The following INTS6 variants were observed in gnomAD, a reference collection of about 807,000 sequenced individuals.
INTS6 encodes DEAD box protein.
INTS6 carries 16 observed loss-of-function variants against 104.9 expected under a neutral mutation model. The ratio of observed to expected loss-of-function variants is 0.15; its 90% confidence interval spans 0.10 to 0.23. The LOEUF (loss-of-function observed/expected upper bound fraction) is 0.23. Ranked by LOEUF, INTS6 falls within the 10% of genes least tolerant of loss-of-function variation. INTS6 has a pLI of 1.00. For missense variants in INTS6, 584 were observed against 1,062.8 expected (o/e 0.55, Z 6.26); for synonymous variants, 324 against 358.7 (o/e 0.90, Z 1.09).
At chr13:51,374,553 T>G (rs1223374199) in intron 14 of INTS6, 101 bp downstream of exon 14, 1 of 1,519,008 alleles carries the variant, frequency 6.6e-7, no homozygotes. Flanking sequence ...TTAGATACTC[T>G]ACCAGGAAAA....
chr13:51,411,886 A>T (rs1956694126), intron 4 of INTS6, among the ~76,000 whole-genome samples: 1 of 152,256 alleles, frequency 6.6e-6, no homozygotes, highest in African/African-American at 2.4e-5. Flanking sequence ...ACAGTAGCTT[A>T]TTCATAATGG....
downstream of INTS6, among the ~76,000 whole-genome samples, chr13:51,353,221 A>G (rs1566194250): frequency 6.6e-6 from 1 of 152,180 alleles, no homozygotes; most frequent in Non-Finnish European, 1.5e-5. Context: ...ATGAAAAATG[A>G]TATTATCCAG....
intron 3 of INTS6, chr13:51,444,120 C>G (rs961602945): frequency 2.0e-5 from 3 of 152,536 alleles, no homozygotes; most frequent in African/African-American, 7.3e-5. Flanking sequence ...GCCTATTGCC[C>G]AAGTTGGAGT....
In INTS6 at chr13:51,453,027, C is replaced by T. The variant is rs1009754993; in HGVS notation, c.-502G>A. On this transcript the variant is annotated 5_prime_UTR_variant, in exon 1 of 18. Coordinates refer to ENST00000311234, the MANE Select transcript of INTS6 (RefSeq NM_012141.3). Reference sequence around the variant, plus strand: ...GTCACCACTTTCTCAGCCCCTCTCGCTACTGAAGCGCTTTTCTCTCTCACA... The same window carrying T: ...GTCACCACTTTCTCAGCCCCTCTCGTTACTGAAGCGCTTTTCTCTCTCACA... 2 of 1,009,716 alleles carry T rather than the reference C, an allele frequency of 2.0e-6. No homozygotes were observed. Among genetic ancestry groups the T allele is most frequent in the African/African-American group, 1.7e-5 (1 of 57,316 alleles). 62.5% of individuals were successfully genotyped at this position (1,009,716 alleles called of 1,614,324 possible). A position where few individuals can be genotyped will look rare whatever the true frequency, so the allele number is the denominator to read the frequency against.
At chr13:51,414,916 A>G (rs937208397) in intron 4 of INTS6, among the ~76,000 whole-genome samples, 18 of 151,024 alleles carry the variant, frequency 1.2e-4, no homozygotes, top group African/African-American at 4.4e-4. Context: ...TTCTCTCCCT[A>G]TGATTTCACC....
chr13:51,378,087 A>G, intron 12 of INTS6, 152 bp downstream of exon 12: 1 of 615,760 alleles, frequency 1.6e-6, no homozygotes, highest in Non-Finnish European at 2.9e-6. Flanking sequence ...TTTTAATTCT[A>G]GCAGTGACAG....
intron 7 of INTS6, among the ~76,000 whole-genome samples, chr13:51,386,501 A>C (rs1042579777): frequency 6.6e-6 from 1 of 152,180 alleles, no homozygotes; most frequent in African/African-American, 2.4e-5. Context: ...TGAAATTTAG[A>C]AAACCTTAAC....
Position 51,387,497 on chromosome 13 carries a change from C to A in INTS6, c.783G>T (p.Trp261Cys). Residue 261 changes from tryptophan to cysteine, a missense_variant, in exon 7 of 18, where the codon TGG (tryptophan) becomes TGT (cysteine). Around this residue, in one of 5 missense-constraint regions of INTS6, gnomAD observed 144 missense variants for 348.7 expected, o/e 0.41. Transcript: ENST00000311234. ...DISRPFGSQP[W>C]HSCHKLIYVR... is the part of the protein sequence containing the mutation. ...CATATATGAGTTTGTGACAGCTATG[C>A]CAAGGCTGAGATCCAAAAGGCCTTG... is the stretch of plus-strand genomic sequence containing the variant. 6.2e-7 allele frequency: 1 copy of A among 1,613,356 alleles called. No individual in the cohort carries two copies. The highest frequency in any genetic ancestry group is 8.5e-7 in the Non-Finnish European group (1 of 1,179,596).
chr13:51,339,731 G>A, the INTS6 span: 6 of 152,258 alleles, frequency 3.9e-5, no homozygotes, highest in Non-Finnish European at 8.8e-5. Flanking sequence ...GTGCAACAGT[G>A]ATACAAAAGT....
intron 15 of INTS6, among the ~76,000 whole-genome samples, chr13:51,373,173 A>T (rs1593669419): frequency 6.7e-6 from 1 of 149,072 alleles, no homozygotes. Flanking sequence ...AATTGGTTTG[A>T]TTACATTGAT....
intron 4 of INTS6, among the ~76,000 whole-genome samples, chr13:51,428,060 A>C (rs1957015796): frequency 6.6e-6 from 1 of 152,232 alleles, no homozygotes; most frequent in Non-Finnish European, 1.5e-5. Context: ...AGACATATGG[A>C]AACAAAATAC....
At chr13:51,347,302 G>A in the INTS6 span, 1 of 1,362,130 alleles carries the variant, frequency 7.3e-7, no homozygotes. Flanking sequence ...GGAGAGAGGA[G>A]GCCAGGTCCC....
the INTS6 span, among the ~76,000 whole-genome samples, chr13:51,347,957 C>T: frequency 1.3e-5 from 1 of 78,762 alleles, no homozygotes; most frequent in Non-Finnish European, 2.7e-5. Flanking sequence ...GTGCCATCGT[C>T]CCCCCCCCCA....
intron 3 of INTS6, among the ~76,000 whole-genome samples, chr13:51,430,705 A>T (rs1957074980): frequency 6.6e-6 from 1 of 152,172 alleles, no homozygotes; most frequent in African/African-American, 2.4e-5. Flanking sequence ...CTAGTAGTTC[A>T]ATTCTAATAA....
chr13:51,378,220 C>A lies in INTS6; in HGVS notation c.1602+19G>T. The stretch of plus-strand genomic sequence containing the variant: ...ATAACAGAACATAACTAGAGTAGCA[C>A]TAAATTCATGATTATTACCTTATTC... On this transcript the variant is annotated intron_variant, in intron 12 of 17. Transcript: ENST00000311234. 1 of 1,560,110 alleles carries A rather than the reference C, an allele frequency of 6.4e-7. No individual in the cohort carries two copies. The highest frequency in any genetic ancestry group is 8.8e-7 in the Non-Finnish European group (1 of 1,131,626).
At chr13:51,449,395 A>C in intron 3 of INTS6, 1 of 823,084 alleles carries the variant, frequency 1.2e-6, no homozygotes, top group Non-Finnish European at 1.5e-6. Context: ...CTCTGGGGGC[A>C]GATATCAACT....
rs879578417 is a variant in INTS6, at chr13:51,453,001, T to G, written c.-476A>C. The G allele has an allele frequency of 1.2e-4, 122 of 1,007,858 alleles. 1 individual carries two copies. The South Asian group carries it at 1.7e-3, about 14-fold the overall frequency. The allele number at this position is 1,007,858 out of a possible 1,614,324, so 62.4% of individuals were successfully genotyped here. On this transcript the variant is annotated 5_prime_UTR_variant, in exon 1 of 18. Transcript: ENST00000311234. Reference sequence around the variant, plus strand: ...AGGGACTCCCTCCGCACCCCGGCGGTGTCACCACTTTCTCAGCCCCTCTCG... The same window carrying G: ...AGGGACTCCCTCCGCACCCCGGCGGGGTCACCACTTTCTCAGCCCCTCTCG...
intron 4 of INTS6, chr13:51,402,674 T>C (rs1464766413): frequency 3.3e-5 from 5 of 152,226 alleles, no homozygotes; most frequent in Non-Finnish European, 1.5e-5. Flanking sequence ...AAATGCAACT[T>C]CAATTTAAAT....
At chr13:51,388,334 T>C (rs1194217850) in intron 6 of INTS6, among the ~76,000 whole-genome samples, 3 of 152,028 alleles carry the variant, frequency 2.0e-5, no homozygotes, top group African/African-American at 7.2e-5. Context: ...CCAATTATCA[T>C]TAAATGATTC....
Sources: gnomAD v4.1 joint callset for allele counts (sites outside exome capture counted in the v4.1 genomes callset) on GRCh38, gnomAD v4.1.1 for gene constraint, gnomAD v4.1.1 regional missense constraint, MANE v1.5 for transcripts, NCBI Gene and HGNC (gene_info 2026-07-23, HGNC 2026-07-21) for gene names.